SEZ6L: variants seen among roughly 807,000 people sequenced by gnomAD.
The protein encoded by SEZ6L is seizure 6-like protein.
In SEZ6L, 37 loss-of-function variants were observed where a neutral mutation model predicts 106.2. That is an observed-to-expected ratio of 0.35 (90% CI 0.27 to 0.46). The LOEUF is 0.46. Ranked by LOEUF, SEZ6L falls within the 20% of genes least tolerant of loss-of-function variation. The pLI is 1.00. For synonymous variants in SEZ6L, 541 were observed against 570.4 expected, an observed-to-expected ratio of 0.95 and a Z score of 0.73; for missense variants, 1,172 against 1,332.8, an observed-to-expected ratio of 0.88 and a Z score of 1.88.
chr22:26,354,734 C>T (rs1378880705), intron 12 of SEZ6L, among the ~76,000 whole-genome samples: 1 of 152,214 alleles, frequency 6.6e-6, no homozygotes, highest in African/African-American at 2.4e-5. Flanking sequence ...CTCTGAGCTG[C>T]GGCAGCTGCT....
intron 5 of SEZ6L, 27 bp from the exon 6 acceptor site, chr22:26,305,952 T>C (rs746398013): frequency 2.0e-6 from 2 of 977,292 alleles, no homozygotes; most frequent in Non-Finnish European, 1.6e-6. Flanking sequence ...CTCTCTCCCA[T>C]TGCCCACCCA....
chr22:26,201,251 T>A (rs982328284), intron 1 of SEZ6L, among the ~76,000 whole-genome samples: 2 of 152,096 alleles, frequency 1.3e-5, no homozygotes, highest in African/African-American at 4.8e-5. Context: ...CTGGGCACGG[T>A]GGCTTACGCC....
At chr22:26,342,361 ATGTCTT>A (rs1172323417) in intron 10 of SEZ6L, among the ~76,000 whole-genome samples, 6 of 152,126 alleles carry the variant, frequency 3.9e-5, no homozygotes, top group African/African-American at 1.4e-4. Context: ...GCAAGATTCC[ATGTCTT>A]TGGTTCTTTC....
At position 26,375,559 on chromosome 22, in the gene SEZ6L, T is replaced by C; in HGVS notation, c.2828-16T>C. The C allele has an allele frequency of 6.2e-7, 1 of 1,603,296 alleles. No individual in the cohort carries two copies. Among genetic ancestry groups the C allele is most frequent in the East Asian group, 2.2e-5 (1 of 44,824 alleles). On this transcript the variant is annotated splice_polypyrimidine_tract_variant and intron_variant, in intron 14 of 16. Coordinates refer to ENST00000248933, the MANE Select transcript of SEZ6L (RefSeq NM_021115.5). ...GCTACCTGGGAAATGAGGACCTCAC[T>C]GGCTCCTGTGTTCAGTAGCAGAAGC... is the stretch of plus-strand genomic sequence containing the variant.
chr22:26,324,103 A>ACACACACACACACACACACACAC (rs1569463232), intron 9 of SEZ6L, among the ~76,000 whole-genome samples: 1 of 83,304 alleles, frequency 1.2e-5, no homozygotes, highest in Non-Finnish European at 2.4e-5. Context: ...CACACACACA[A>ACACACACACACACACACACACAC]ACACACACAC....
At position 26,188,029 on chromosome 22, in the gene SEZ6L, C is replaced by G. The variant is rs188673232; in HGVS notation, c.94+18266C>G. ...GATTTTAAAATTCTGGTCCTCATTACTGACCTAACTTGGACTCAAAATGTA... is the reference window on the plus strand; with the variant it reads ...GATTTTAAAATTCTGGTCCTCATTAGTGACCTAACTTGGACTCAAAATGTA... On this transcript the variant is annotated intron_variant, in intron 1 of 16. Transcript: ENST00000248933. Among the ~76,000 whole-genome samples the G allele has an allele frequency of 8.5e-4, 130 of 152,262 alleles. 1 individual carries two copies. The highest frequency in any genetic ancestry group is 2.9e-3 in the African/African-American group (121 of 41,554).
chr22:26,260,821 T>A (rs1447756772), intron 1 of SEZ6L, among the ~76,000 whole-genome samples: 1 of 152,196 alleles, frequency 6.6e-6, no homozygotes, highest in Non-Finnish European at 1.5e-5. Context: ...TCATCCATAG[T>A]GGTTGTACTA....
chr22:26,285,125 G>A (rs1569443471), intron 1 of SEZ6L, among the ~76,000 whole-genome samples: 2 of 152,164 alleles, frequency 1.3e-5, no homozygotes, highest in Non-Finnish European at 2.9e-5. Flanking sequence ...TCTGCCTTTT[G>A]TTCCAGAAGG....
intron 5 of SEZ6L, among the ~76,000 whole-genome samples, chr22:26,304,364 AGAAAGAAGAAAGAAAGAAAG>A (rs2081551649): frequency 1.2e-5 from 1 of 86,266 alleles, no homozygotes; most frequent in African/African-American, 5.6e-5. Context: ...AAAAAAAAAA[AGAAAGAAGAAAGAAAGAAAG>A]AAAGAAAGAA....
chr22:26,177,240 G>T (rs1005434844), intron 1 of SEZ6L, among the ~76,000 whole-genome samples: 31 of 152,124 alleles, frequency 2.0e-4, no homozygotes, highest in African/African-American at 7.2e-4. Context: ...TCATAGGATT[G>T]CTGTAGAGGA....
At chr22:26,328,923 G>A (rs1031718197) in intron 9 of SEZ6L, among the ~76,000 whole-genome samples, 1 of 152,112 alleles carries the variant, frequency 6.6e-6, no homozygotes, top group African/African-American at 2.4e-5. Context: ...CCCTGGGAAT[G>A]GGAGTTTTAA....
intron 9 of SEZ6L, among the ~76,000 whole-genome samples, chr22:26,334,829 G>A (rs559897979): frequency 6.6e-6 from 1 of 152,304 alleles, no homozygotes; most frequent in African/African-American, 2.4e-5. Flanking sequence ...GTCTTGGGAA[G>A]CTTTGTGGTC....
chr22:26,176,192 A>G lies in SEZ6L; in HGVS notation c.94+6429A>G, dbSNP rs1046018260. 2.0e-5 allele frequency among the ~76,000 whole-genome samples: 3 copies of G among 152,248 alleles called. No individual in the cohort carries two copies. In the South Asian group the frequency reaches 6.2e-4, roughly 31 times the overall value. On this transcript the variant is annotated intron_variant, in intron 1 of 16. Coordinates refer to ENST00000248933, the MANE Select transcript of SEZ6L (RefSeq NM_021115.5). Reference sequence around the variant, plus strand: ...GCAACTGGGTCAGAACGGTACAAGCACTTGCTCAGGGTCTCATGGACAATG... The same window carrying G: ...GCAACTGGGTCAGAACGGTACAAGCGCTTGCTCAGGGTCTCATGGACAATG...
chr22:26,348,650 G>GAAAAAGAAAGAAAGA (rs1396364444), intron 11 of SEZ6L, among the ~76,000 whole-genome samples: 1 of 18,912 alleles, frequency 5.3e-5, no homozygotes, highest in Non-Finnish European at 1.1e-4. Context: ...GAAAGAAAAA[G>GAAAAAGAAAGAAAGA]AAAGAAAGAA....
chr22:26,178,891 G>A (rs1041148761), intron 1 of SEZ6L, among the ~76,000 whole-genome samples: 1 of 152,138 alleles, frequency 6.6e-6, no homozygotes, highest in Non-Finnish European at 1.5e-5. Context: ...TCAGGTCAGC[G>A]ATGGCTTCCA....
At chr22:26,204,371 A>G (rs2145685375) in intron 1 of SEZ6L, among the ~76,000 whole-genome samples, 1 of 152,334 alleles carries the variant, frequency 6.6e-6, no homozygotes, top group South Asian at 2.1e-4. Flanking sequence ...TACCACAAAT[A>G]TAGCACTTAC....
At chr22:26,340,667 T>A in intron 10 of SEZ6L, 35 bp downstream of exon 10, 1 of 1,564,408 alleles carries the variant, frequency 6.4e-7, no homozygotes, top group East Asian at 2.2e-5. Flanking sequence ...ATTTTTTCTT[T>A]GTGTTTAGAT....
chr22:26,213,444 C>G (rs1228763397), intron 1 of SEZ6L, among the ~76,000 whole-genome samples: 1 of 152,196 alleles, frequency 6.6e-6, no homozygotes. Context: ...TGGAAGCTGT[C>G]ATAACACATG....
At chr22:26,171,157 TTTTG>T (rs1350647018) in intron 1 of SEZ6L, among the ~76,000 whole-genome samples, 10 of 152,242 alleles carry the variant, frequency 6.6e-5, no homozygotes, top group Admixed American at 5.9e-4. Flanking sequence ...GTTCATCACC[TTTTG>T]TTTAACAAAG....
Sources: allele counts gnomAD v4.1 joint callset (sites outside exome capture counted in the v4.1 genomes callset), GRCh38; gene constraint gnomAD v4.1.1; transcripts MANE v1.5; gene names NCBI Gene and HGNC (gene_info 2026-07-23, HGNC 2026-07-21).